CCDC172: variants seen among roughly 807,000 people sequenced by gnomAD.
The protein encoded by CCDC172 is coiled-coil domain containing 172.
Under a neutral mutation model 38.0 loss-of-function variants are expected in CCDC172, and 30 were observed. That is an observed-to-expected ratio of 0.79 (90% CI 0.59 to 1.07). The LOEUF is 1.07. Ranked by LOEUF, CCDC172 falls within the 50% of genes least tolerant of loss-of-function variation. The pLI is 0.00. For missense variants in CCDC172, 297 were observed against 290.1 expected (o/e 1.02, Z -0.17); for synonymous variants, 78 against 88.3 (o/e 0.88, Z 0.66).
intron 3 of CCDC172, among the ~76,000 whole-genome samples, chr10:116,327,195 T>C (rs1003878555): frequency 6.6e-6 from 1 of 152,124 alleles, no homozygotes; most frequent in Non-Finnish European, 1.5e-5. Context: ...TTGTCCACGA[T>C]ATATAATTCA....
chr10:116,358,196 T>G (rs566404313), intron 7 of CCDC172, among the ~76,000 whole-genome samples: 7 of 152,224 alleles, frequency 4.6e-5, no homozygotes, highest in African/African-American at 1.4e-4. Context: ...CTCAGTATTT[T>G]TCACATCCCA....
intron 7 of CCDC172, among the ~76,000 whole-genome samples, chr10:116,373,737 T>A (rs1845213514): frequency 1.3e-5 from 2 of 152,278 alleles, no homozygotes; most frequent in South Asian, 4.1e-4. Flanking sequence ...ACTCCTGGCT[T>A]CAAGTGATCT....
At chr10:116,356,285 G>T (rs999873696) in intron 5 of CCDC172, among the ~76,000 whole-genome samples, 5 of 150,980 alleles carry the variant, frequency 3.3e-5, no homozygotes, top group African/African-American at 1.2e-4. Flanking sequence ...AGCCGAGATG[G>T]CGCCACTGCA....
chr10:116,346,256 C>T (rs1189694673), intron 5 of CCDC172, among the ~76,000 whole-genome samples: 1 of 142,874 alleles, frequency 7.0e-6, no homozygotes, highest in Non-Finnish European at 1.5e-5. Flanking sequence ...CGCGCCATTG[C>T]ACTCCAGCCT....
intron 7 of CCDC172, among the ~76,000 whole-genome samples, chr10:116,375,100 A>G (rs182913933): frequency 6.6e-6 from 1 of 152,110 alleles, no homozygotes; most frequent in Admixed American, 6.5e-5. Flanking sequence ...TAGCCATTGG[A>G]CATTTTATTT....
intron 2 of CCDC172, 101 bp from the exon 3 acceptor site, chr10:116,325,202 C>A: frequency 6.9e-7 from 1 of 1,456,288 alleles, no homozygotes; most frequent in Non-Finnish European, 9.6e-7. Flanking sequence ...AGCTTGCATG[C>A]CATGCTGAGG....
At chr10:116,367,165 AT>A (rs1403717432) in intron 7 of CCDC172, among the ~76,000 whole-genome samples, 1 of 152,060 alleles carries the variant, frequency 6.6e-6, no homozygotes, top group Non-Finnish European at 1.5e-5. Context: ...TGTGGTTGAA[AT>A]TTTTAATCAT....
At chr10:116,339,824 A>G (rs1218739244) in intron 3 of CCDC172, among the ~76,000 whole-genome samples, 2 of 151,876 alleles carry the variant, frequency 1.3e-5, no homozygotes, top group Middle Eastern at 3.2e-3. Flanking sequence ...TTACTATTCA[A>G]TATTGTCTGG....
chr10:116,350,141 A>G (rs969714449), intron 5 of CCDC172, among the ~76,000 whole-genome samples: 2 of 152,230 alleles, frequency 1.3e-5, no homozygotes, highest in Non-Finnish European at 2.9e-5. Flanking sequence ...CTTGTGGGTC[A>G]TTCTAAAGAC....
At chr10:116,337,155 AT>A (rs35181377) in intron 3 of CCDC172, among the ~76,000 whole-genome samples, 5 of 145,990 alleles carry the variant, frequency 3.4e-5, no homozygotes, top group African/African-American at 2.5e-5. Context: ...GTGATTCTAG[AT>A]TTTTTTTTTT....
chr10:116,344,399 G>T (rs1445285682), intron 5 of CCDC172, among the ~76,000 whole-genome samples: 1 of 152,218 alleles, frequency 6.6e-6, no homozygotes, highest in Non-Finnish European at 1.5e-5. Flanking sequence ...ACTGTAGGCA[G>T]TTGGAACACA....
intron 7 of CCDC172, among the ~76,000 whole-genome samples, chr10:116,367,107 TTTG>T (rs1483432062): frequency 6.6e-6 from 1 of 152,186 alleles, no homozygotes; most frequent in Non-Finnish European, 1.5e-5. Context: ...TTTATGGGGT[TTTG>T]TTGTTTGCTT....
chr10:116,330,524 C>T (rs573304858), intron 3 of CCDC172, among the ~76,000 whole-genome samples: 1 of 152,224 alleles, frequency 6.6e-6, no homozygotes, highest in East Asian at 1.9e-4. Context: ...ATGAAAAGTT[C>T]ATTGAAACGG....
At chr10:116,339,395 G>A (rs980863642) in intron 3 of CCDC172, among the ~76,000 whole-genome samples, 11 of 151,732 alleles carry the variant, frequency 7.2e-5, no homozygotes, top group Non-Finnish European at 1.3e-4. Context: ...AATAAATGTG[G>A]TAGATTTCAT....
chr10:116,325,413 T>C (rs1460693955), intron 3 of CCDC172, 25 bp downstream of exon 3: 2 of 1,576,252 alleles, frequency 1.3e-6, no homozygotes, highest in Admixed American at 1.7e-5. Flanking sequence ...AGCATACTAA[T>C]TATCACTTGA....
rs892715952 is a variant in CCDC172, at chr10:116,342,170, C to T, written c.417C>T (p.Asp139=). 6.5e-7 allele frequency: 1 copy of T among 1,536,362 alleles called. No homozygotes were observed. The highest frequency in any genetic ancestry group is 1.5e-5 in the African/African-American group (1 of 68,864). ...AAAATGTCAAGATTGAAATATCTGA[C>T]TTAGAAAACCAAGCAAACATGTTGA... The part of the protein sequence containing the change: ...MKENVKIEIS[D]LENQANMLKS... The change falls in exon 5 of 9, where the codon GAC becomes GAT. Residue 139 remains aspartate, a synonymous_variant. Transcript: ENST00000333254.
chr10:116,359,263 A>T (rs1040137507), intron 7 of CCDC172, among the ~76,000 whole-genome samples: 9 of 152,206 alleles, frequency 5.9e-5, no homozygotes, highest in African/African-American at 2.2e-4. Context: ...ATGTCAAAAA[A>T]CAATAAGACA....
At chr10:116,349,320 C>G (rs1365849724) in intron 5 of CCDC172, among the ~76,000 whole-genome samples, 3 of 152,104 alleles carry the variant, frequency 2.0e-5, no homozygotes, top group Non-Finnish European at 4.4e-5. Flanking sequence ...TGAAGCCACT[C>G]CTCTCCCTCC....
chr10:116,365,699 T>A (rs1354589607), intron 7 of CCDC172, among the ~76,000 whole-genome samples: 1 of 152,202 alleles, frequency 6.6e-6, no homozygotes, highest in Non-Finnish European at 1.5e-5. Flanking sequence ...CAGAACACAG[T>A]GAACTTCCAT....
Sources: gnomAD v4.1 joint callset for allele counts (sites outside exome capture counted in the v4.1 genomes callset) on GRCh38, gnomAD v4.1.1 for gene constraint, MANE v1.5 for transcripts, NCBI Gene and HGNC (gene_info 2026-07-23, HGNC 2026-07-21) for gene names.